Variants in IGF1R observed in about 807,000 individuals in gnomAD.
The protein encoded by IGF1R is insulin-like growth factor 1 receptor.
IGF1R carries 44 observed loss-of-function variants against 144.6 expected under a neutral mutation model. The ratio of observed to expected loss-of-function variants is 0.30; its 90% CI spans 0.24 to 0.39. The LOEUF (loss-of-function observed/expected upper bound fraction) is 0.39, where lower values mean the gene tolerates loss of function less well. Among genes scored for constraint, IGF1R ranks in the 10% least tolerant of loss-of-function variants. The pLI is 1.00. For synonymous variants in IGF1R, 795 were observed against 722.8 expected, an observed-to-expected ratio of 1.10 and a Z score of -1.60; for missense variants, 1,355 against 1,833.7, an observed-to-expected ratio of 0.74 and a Z score of 4.77.
At chr15:98,777,828 C>T (rs1055616496) in intron 2 of IGF1R, among the ~76,000 whole-genome samples, 3 of 152,190 alleles carry the variant, frequency 2.0e-5, no homozygotes. Context: ...CATGACTTTT[C>T]AGAGAAGTGG....
intron 2 of IGF1R, among the ~76,000 whole-genome samples, chr15:98,883,954 C>T (rs1025356867): frequency 6.6e-6 from 1 of 152,112 alleles, no homozygotes; most frequent in Non-Finnish European, 1.5e-5. Flanking sequence ...CCCTTGGTAC[C>T]ATGTTCATGA....
rs1260404384 is a variant in IGF1R, at chr15:98,958,605, CTA to C, written c.*1165_*1166del. The C allele has an allele frequency of 3.9e-5, 9 of 232,548 alleles. No homozygotes were observed. Among genetic ancestry groups the C allele is most frequent in the East Asian group, 1.8e-4 (3 of 16,472 alleles). 14.4% of individuals were successfully genotyped at this position (232,548 alleles called of 1,614,324 possible). On this transcript the variant is annotated 3_prime_UTR_variant, in exon 21 of 21. Coordinates refer to ENST00000650285, the MANE Select transcript of IGF1R (RefSeq NM_000875.5). ...GGACTTCTTCATGGGTCTTACAGTT[CTA>C]TGTTAGACCATGAAACATTTGCATA...
Position 98,960,049 on chromosome 15 carries a change from CCAAA to C in IGF1R, c.*2610_*2613del, listed in dbSNP as rs773179244. 216 of 233,166 alleles carry C rather than the reference CCAAA, an allele frequency of 9.3e-4. No homozygotes were observed. The highest frequency in any genetic ancestry group is 4.0e-3 in the South Asian group (22 of 5,508). 14.4% of individuals were successfully genotyped at this position (233,166 alleles called of 1,614,324 possible). A position where few individuals can be genotyped will look rare whatever the true frequency, so the allele number is the denominator to read the frequency against. On this transcript the variant is annotated 3_prime_UTR_variant, in exon 21 of 21. Coordinates refer to ENST00000650285, the MANE Select transcript of IGF1R (RefSeq NM_000875.5). Reference sequence around the variant, plus strand: ...CTTGATTTTTTGGGTTTTTTTTCCCCCAAACATTTATCTACCTCACTCTTATTTT... The same window carrying C: ...CTTGATTTTTTGGGTTTTTTTTCCCCCATTTATCTACCTCACTCTTATTTT...
At chr15:98,778,881 C>T (rs923020612) in intron 2 of IGF1R, among the ~76,000 whole-genome samples, 1 of 152,154 alleles carries the variant, frequency 6.6e-6, no homozygotes, top group Admixed American at 6.5e-5. Context: ...ATGCATAGCT[C>T]TCTGTCTTTT....
Position 98,648,545 on chromosome 15 carries a change from TGGCAGC to T in IGF1R, c.-1033_-1028del, listed in dbSNP as rs1240455610. The stretch of plus-strand genomic sequence containing the variant: ...CGCGCGCGCGCGAGCCCCCAGTGTG[TGGCAGC>T]GGCGGCGGCGGCGCGGCGAGGCTGG... On this transcript the variant is annotated 5_prime_UTR_variant, in exon 1 of 21. Transcript: ENST00000650285. Among the ~76,000 whole-genome samples, 1 of 142,690 alleles carries T rather than the reference TGGCAGC, an allele frequency of 7.0e-6. No individual in the cohort carries two copies. Among genetic ancestry groups the T allele is most frequent in the African/African-American group, 2.6e-5 (1 of 39,170 alleles). 93.6% of individuals were successfully genotyped at this position (142,690 alleles called of 152,430 possible).
At chr15:98,650,034 C>T (rs1391831742) in intron 1 of IGF1R, among the ~76,000 whole-genome samples, 1 of 152,168 alleles carries the variant, frequency 6.6e-6, no homozygotes, top group East Asian at 1.9e-4. Context: ...GCACCTCGCC[C>T]CTTCCATGCG....
intron 2 of IGF1R, among the ~76,000 whole-genome samples, chr15:98,733,198 T>G (rs1246157200): frequency 6.6e-6 from 1 of 152,080 alleles, no homozygotes; most frequent in African/African-American, 2.4e-5. Context: ...TAAAAGGGGT[T>G]GTTTTGAAGG....
At chr15:98,688,902 C>T (rs2053403996) in intron 1 of IGF1R, among the ~76,000 whole-genome samples, 1 of 152,096 alleles carries the variant, frequency 6.6e-6, no homozygotes, top group Non-Finnish European at 1.5e-5. Context: ...ACGCAGTACG[C>T]TTTGATTCAT....
chr15:98,916,995 C>CT, intron 10 of IGF1R, 119 bp downstream of exon 10: 1 of 854,560 alleles, frequency 1.2e-6, no homozygotes, highest in Non-Finnish European at 1.9e-6. Flanking sequence ...ACAGTAGCCA[C>CT]TGAGACGGAG....
chr15:98,757,739 C>A (rs1490187609), intron 2 of IGF1R, among the ~76,000 whole-genome samples: 1 of 152,094 alleles, frequency 6.6e-6, no homozygotes, highest in Non-Finnish European at 1.5e-5. Context: ...ACTTTTAAAA[C>A]CCATTGAGAC....
intron 2 of IGF1R, among the ~76,000 whole-genome samples, chr15:98,718,698 C>T (rs2054178437): frequency 6.6e-6 from 1 of 152,148 alleles, no homozygotes; most frequent in Non-Finnish European, 1.5e-5. Flanking sequence ...TTAGCAGCTG[C>T]TGAGACCAGG....
chr15:98,831,439 T>A (rs1190288385), intron 2 of IGF1R, among the ~76,000 whole-genome samples: 2 of 152,224 alleles, frequency 1.3e-5, no homozygotes, highest in African/African-American at 4.8e-5. Flanking sequence ...GTGTGACATC[T>A]TCACCCTCTT....
chr15:98,769,934 G>A (rs1051298146), intron 2 of IGF1R, among the ~76,000 whole-genome samples: 1 of 152,110 alleles, frequency 6.6e-6, no homozygotes, highest in African/African-American at 2.4e-5. Context: ...TCCGTCTGCT[G>A]GATTATTCCG....
chr15:98,879,984 G>A (rs1194505441), intron 2 of IGF1R, among the ~76,000 whole-genome samples: 1 of 152,224 alleles, frequency 6.6e-6, no homozygotes, highest in Non-Finnish European at 1.5e-5. Context: ...GGCGTGGGAA[G>A]CATGGCTAAC....
At position 98,962,456 on chromosome 15, in the gene IGF1R, G is replaced by A. The variant is rs191277545; in HGVS notation, c.*5014G>A. Reference sequence around the variant, plus strand: ...TTTCTTTCTTCACTCTGAAGTAGCTGGTGGTACAAATGAGAACTTCAAGAG... The same window carrying A: ...TTTCTTTCTTCACTCTGAAGTAGCTAGTGGTACAAATGAGAACTTCAAGAG... On this transcript the variant is annotated 3_prime_UTR_variant, in exon 21 of 21. Coordinates refer to ENST00000650285, the MANE Select transcript of IGF1R (RefSeq NM_000875.5). The A allele has an allele frequency of 4.3e-6, 1 of 233,788 alleles. No individual in the cohort carries two copies. The highest frequency in any genetic ancestry group is 6.0e-5 in the East Asian group (1 of 16,592). The allele number at this position is 233,788 out of a possible 1,614,324, so 14.5% of individuals were successfully genotyped here.
chr15:98,881,701 ACAGT>A (rs2013390830), intron 2 of IGF1R, among the ~76,000 whole-genome samples: 1 of 152,186 alleles, frequency 6.6e-6, no homozygotes, highest in Non-Finnish European at 1.5e-5. Flanking sequence ...GCTGCAATCA[ACAGT>A]CAGGAGGATC....
At chr15:98,745,431 G>A (rs1312809763) in intron 2 of IGF1R, among the ~76,000 whole-genome samples, 1 of 152,202 alleles carries the variant, frequency 6.6e-6, no homozygotes, top group Non-Finnish European at 1.5e-5. Flanking sequence ...CAGAAAGCCG[G>A]TGGCCCAGTC....
At chr15:98,702,977 A>T (rs1298083521) in intron 1 of IGF1R, among the ~76,000 whole-genome samples, 2 of 152,028 alleles carry the variant, frequency 1.3e-5, no homozygotes, top group Non-Finnish European at 2.9e-5. Flanking sequence ...TCTTTGGAGA[A>T]GTGAATTCTA....
rs551051048 is a variant in IGF1R at position 98,704,184 on chromosome 15, A to G, written c.95-3378A>G. On this transcript the variant is annotated intron_variant, in intron 1 of 20. Coordinates refer to ENST00000650285, the MANE Select transcript of IGF1R (RefSeq NM_000875.5). The surrounding 1 kb of genome is among the most constrained non-coding windows in gnomAD (Gnocchi z 4.9). Reference sequence around the variant, plus strand: ...GTTCGTTGTATACAAACTTTGTTTCATGCACAAGATTATTAAAAATATATA... The same window carrying G: ...GTTCGTTGTATACAAACTTTGTTTCGTGCACAAGATTATTAAAAATATATA... Among the ~76,000 whole-genome samples the G allele has an allele frequency of 1.3e-5, 2 of 152,292 alleles. No homozygotes were observed. The highest frequency in any genetic ancestry group is 1.9e-4 in the East Asian group (1 of 5,190).
Sources: allele counts gnomAD v4.1 joint callset (sites outside exome capture counted in the v4.1 genomes callset), GRCh38; gene constraint gnomAD v4.1.1; non-coding constraint Gnocchi (gnomAD v3.1); transcripts MANE v1.5; gene names NCBI Gene and HGNC (gene_info 2026-07-23, HGNC 2026-07-21).